CHODL: variants seen among roughly 807,000 people sequenced by gnomAD.
The protein encoded by CHODL is transmembrane protein MT75.
In CHODL, 29 loss-of-function variants were observed where a neutral mutation model predicts 34.5. The ratio of observed to expected loss-of-function variants is 0.84; its 90% confidence interval spans 0.63 to 1.15. The LOEUF is 1.15. CHODL is among the 50% of genes most tolerant of loss of function. CHODL has a pLI of 0.00. For synonymous variants in CHODL, 125 were observed against 116.1 expected (o/e 1.08, Z -0.49); for missense variants, 332 against 332.5 (o/e 1.00, Z 0.01).
At chr21:18,060,429 C>A (rs1056890881) in intron 2 of CHODL, among the ~76,000 whole-genome samples, 2 of 151,246 alleles carry the variant, frequency 1.3e-5, no homozygotes, top group Non-Finnish European at 2.9e-5. Context: ...CAGCCTGGGC[C>A]ACAGAGTGAG....
At chr21:17,928,929 G>A (rs528827279) in intron 1 of CHODL, among the ~76,000 whole-genome samples, 74 of 152,300 alleles carry the variant, frequency 4.9e-4, no homozygotes, top group Non-Finnish European at 8.8e-4. Context: ...ATTAGTGATA[G>A]ATTCCAATCC....
At chr21:18,103,441 TATATACTGCCAAATAA>T (rs1186785996) in intron 2 of CHODL, among the ~76,000 whole-genome samples, 1 of 152,078 alleles carries the variant, frequency 6.6e-6, no homozygotes, top group Non-Finnish European at 1.5e-5. Context: ...TATTTTTGAT[TATATACTGCCAAATAA>T]AGAATTGCCC....
At chr21:18,141,474 G>C (rs2072801996) in intron 2 of CHODL, among the ~76,000 whole-genome samples, 1 of 151,992 alleles carries the variant, frequency 6.6e-6, no homozygotes, top group Non-Finnish European at 1.5e-5. Flanking sequence ...CTTAGTGTCT[G>C]AGACATAGTA....
At chr21:17,989,845 G>A (rs533951677) in intron 1 of CHODL, among the ~76,000 whole-genome samples, 1 of 152,118 alleles carries the variant, frequency 6.6e-6, no homozygotes, top group Non-Finnish European at 1.5e-5. Flanking sequence ...TCCCATTTCC[G>A]AGGAGTTAAA....
At chr21:18,159,325 A>G (rs1401401570) in intron 2 of CHODL, among the ~76,000 whole-genome samples, 1 of 152,224 alleles carries the variant, frequency 6.6e-6, no homozygotes, top group East Asian at 1.9e-4. Context: ...TAACTGGTAT[A>G]TAAAGTTGCA....
Position 18,092,128 on chromosome 21 carries a change from A to C in CHODL, c.-45+64157A>C, listed in dbSNP as rs575007434. Among the ~76,000 whole-genome samples the C allele has an allele frequency of 3.7e-4, 57 of 152,222 alleles. No individual in the cohort carries two copies. In the South Asian group the frequency reaches 0.012, roughly 31 times the overall value. On this transcript the variant is annotated intron_variant, in intron 2 of 6. Coordinates refer to the CHODL transcript ENST00000400127. ...TGTTGGTGGCCACGGAAATGCTTAC[A>C]TCATCACACCCCCAGTTCCAAGTGG...
At chr21:18,129,680 T>C (rs941813635) in intron 2 of CHODL, among the ~76,000 whole-genome samples, 1 of 152,156 alleles carries the variant, frequency 6.6e-6, no homozygotes, top group Non-Finnish European at 1.5e-5. Context: ...TAGAAATCCA[T>C]TAAAAATTAT....
chr21:18,237,354 C>T (rs2074038001), intron 2 of CHODL, among the ~76,000 whole-genome samples: 1 of 152,124 alleles, frequency 6.6e-6, no homozygotes, highest in Non-Finnish European at 1.5e-5. Context: ...TACTCAGTGA[C>T]TTCTGCAGAA....
intron 2 of CHODL, among the ~76,000 whole-genome samples, chr21:18,065,588 G>A (rs1568868136): frequency 1.3e-5 from 2 of 152,158 alleles, no homozygotes; most frequent in South Asian, 2.1e-4. Context: ...CCTGGAGATT[G>A]CAATCAAGTT....
chr21:18,174,157 A>ATATATATATATATATATATG (rs1555879240), intron 2 of CHODL, among the ~76,000 whole-genome samples: 8 of 88,218 alleles, frequency 9.1e-5, no homozygotes, highest in South Asian at 7.0e-4. Flanking sequence ...ATATATATAT[A>ATATATATATATATATATATG]TATAAAATCA....
intron 1 of CHODL, among the ~76,000 whole-genome samples, chr21:17,960,712 T>C (rs745513287): frequency 2.0e-5 from 3 of 152,198 alleles, no homozygotes; most frequent in Non-Finnish European, 4.4e-5. Flanking sequence ...TGGACTATTA[T>C]CTGTTTCCAT....
Position 17,993,831 on chromosome 21 carries a change from C to T in CHODL, c.-144-34041C>T, listed in dbSNP as rs144808118. Among the ~76,000 whole-genome samples, 27 of 152,348 alleles carry T rather than the reference C, an allele frequency of 1.8e-4. 1 individual carries two copies. Among genetic ancestry groups the T allele is most frequent in the African/African-American group, 6.5e-4 (27 of 41,588 alleles). ...ATGATTGAACTAGCTTACACTCCCA[C>T]CAACAGTGTATGATCATTCCTCTTT... On this transcript the variant is annotated intron_variant, in intron 1 of 6. Coordinates refer to the CHODL transcript ENST00000400127.
At chr21:18,057,024 C>T (rs1363131678) in intron 2 of CHODL, among the ~76,000 whole-genome samples, 1 of 152,038 alleles carries the variant, frequency 6.6e-6, no homozygotes, top group African/African-American at 2.4e-5. Flanking sequence ...TAGAGTTTTA[C>T]TGTAGGATGA....
At chr21:18,261,982 A>C (rs550246956) in intron 4 of CHODL, among the ~76,000 whole-genome samples, 36 of 152,104 alleles carry the variant, frequency 2.4e-4, no homozygotes, top group Non-Finnish European at 4.4e-4. Flanking sequence ...CTTATTGGCT[A>C]GGTAATTACT....
At chr21:18,053,502 A>G (rs73196662) in intron 2 of CHODL, among the ~76,000 whole-genome samples, 1,802 of 152,048 alleles carry the variant, frequency 0.012, 20 homozygotes, top group Non-Finnish European at 0.019. Flanking sequence ...AAAATTTTAC[A>G]GCGACTTCAT....
At chr21:18,036,416 G>C (rs112920723) in intron 2 of CHODL, among the ~76,000 whole-genome samples, 18 of 152,052 alleles carry the variant, frequency 1.2e-4, no homozygotes, top group African/African-American at 4.1e-4. Context: ...TTTGTGTATA[G>C]GACTGTACGC....
In CHODL at chr21:18,124,721, G is replaced by A. The variant is rs138072659; in HGVS notation, c.-45+96750G>A. On this transcript the variant is annotated intron_variant, in intron 2 of 6. Coordinates refer to the CHODL transcript ENST00000400127. ...ATAAACCTCTGAAGAAGTTTAGGAC[G>A]TTTGAACTGGTAGAAGAAAGGTAGA... 2.4e-3 allele frequency among the ~76,000 whole-genome samples: 371 copies of A among 152,260 alleles called. 6 individuals are homozygous for A. The highest frequency in any genetic ancestry group is 8.0e-3 in the African/African-American group (333 of 41,550).
intron 2 of CHODL, among the ~76,000 whole-genome samples, chr21:18,093,790 T>C (rs1239313034): frequency 6.6e-6 from 1 of 151,804 alleles, no homozygotes; most frequent in Non-Finnish European, 1.5e-5. Flanking sequence ...AAAATCACCT[T>C]CACTAAAAGA....
At chr21:18,029,582 A>G (rs1480546434) in intron 2 of CHODL, among the ~76,000 whole-genome samples, 1 of 152,114 alleles carries the variant, frequency 6.6e-6, no homozygotes, top group Non-Finnish European at 1.5e-5. Flanking sequence ...TATTTTATCT[A>G]TCTATAAATT....
Sources: gnomAD v4.1 joint callset for allele counts (sites outside exome capture counted in the v4.1 genomes callset) on GRCh38, gnomAD v4.1.1 for gene constraint, MANE v1.5 for transcripts, NCBI Gene and HGNC (gene_info 2026-07-23, HGNC 2026-07-21) for gene names.